GARNL3: variants seen among roughly 807,000 people sequenced by gnomAD.
The protein encoded by GARNL3 is GTPase-activating Rap/Ran-GAP domain-like protein 3.
A neutral mutation model predicts 125.0 loss-of-function variants in GARNL3; 63 were observed. The ratio of observed to expected loss-of-function variants is 0.50; its 90% CI spans 0.41 to 0.62. The LOEUF (loss-of-function observed/expected upper bound fraction) is 0.62, where lower values mean the gene tolerates loss of function less well. Among genes scored for constraint, GARNL3 ranks in the 20% least tolerant of loss-of-function variants. The probability of loss-of-function intolerance (pLI) is 0.00; values close to 1 mark genes in which losing one functional copy is unlikely to be tolerated. For missense variants in GARNL3, 994 were observed against 1,244.0 expected, an observed-to-expected ratio of 0.80 and a Z score of 3.02; for synonymous variants, 439 against 457.5, an observed-to-expected ratio of 0.96 and a Z score of 0.52.
chr9:127,330,137 T>C (rs1829142434), intron 7 of GARNL3, among the ~76,000 whole-genome samples: 1 of 152,236 alleles, frequency 6.6e-6, no homozygotes, highest in African/African-American at 2.4e-5. Flanking sequence ...AATCTTCAGT[T>C]TAACAAGCCC....
intron 18 of GARNL3, among the ~76,000 whole-genome samples, 169 bp from the exon 19 acceptor site, chr9:127,354,125 G>A (rs543801190): frequency 6.6e-6 from 1 of 152,270 alleles, no homozygotes; most frequent in South Asian, 2.1e-4. Flanking sequence ...GCCGTTGGGG[G>A]AAAGGGGTGC....
At chr9:127,247,483 T>A (rs1588680978) in intron 2 of GARNL3, among the ~76,000 whole-genome samples, 1 of 152,370 alleles carries the variant, frequency 6.6e-6, no homozygotes, top group South Asian at 2.1e-4. Flanking sequence ...TGCTTCTTGA[T>A]GCTTGCCAGC....
At chr9:127,363,279 CTG>C (rs1831110366) in intron 21 of GARNL3, 1 of 152,310 alleles carries the variant, frequency 6.6e-6, no homozygotes, top group African/African-American at 2.4e-5. Context: ...CTGGTCCTCA[CTG>C]TCACTCCCTG....
intron 22 of GARNL3, among the ~76,000 whole-genome samples, chr9:127,379,730 G>C (rs1832136197): frequency 6.6e-6 from 1 of 152,208 alleles, no homozygotes; most frequent in Non-Finnish European, 1.5e-5. Context: ...GCCATACAGT[G>C]AGTTAAAGTT....
At chr9:127,344,619 A>G (rs1316137028) in intron 15 of GARNL3, among the ~76,000 whole-genome samples, 1 of 152,214 alleles carries the variant, frequency 6.6e-6, no homozygotes, top group Admixed American at 6.5e-5. Context: ...CTTCCAGAGA[A>G]CACAGATCTC....
At chr9:127,294,133 C>T (rs372131113) in intron 2 of GARNL3, among the ~76,000 whole-genome samples, 2 of 152,180 alleles carry the variant, frequency 1.3e-5, no homozygotes, top group African/African-American at 4.8e-5. Flanking sequence ...TGGGATTTGA[C>T]TCTTTGTCCC....
At chr9:127,252,306 T>C (rs1049610689) in intron 2 of GARNL3, among the ~76,000 whole-genome samples, 1 of 152,182 alleles carries the variant, frequency 6.6e-6, no homozygotes, top group African/African-American at 2.4e-5. Context: ...AGCAACAAAA[T>C]TGTAGACTAC....
chr9:127,281,554 G>A (rs1034784752), intron 1 of GARNL3, among the ~76,000 whole-genome samples: 5 of 152,052 alleles, frequency 3.3e-5, no homozygotes, highest in South Asian at 2.1e-4. Context: ...CCTGTCCCCC[G>A]GCACAGGCAG....
chr9:127,259,551 G>A (rs978560675), upstream of GARNL3, among the ~76,000 whole-genome samples: 5 of 152,306 alleles, frequency 3.3e-5, no homozygotes, highest in South Asian at 4.1e-4. Context: ...TTTTAGGGAG[G>A]AGATGTAGTG....
At position 127,291,248 on chromosome 9, in the gene GARNL3, G is replaced by A; in HGVS notation, c.219+6G>A. ...AAAATGGCTCTTCAGATGAGGTAAG[G>A]AAGCCTCCCCACTTCCTGTAATGCC... On this transcript the variant is annotated splice_donor_region_variant and intron_variant, in intron 2 of 27. Transcript: ENST00000373387. The A allele has an allele frequency of 6.2e-7, 1 of 1,613,172 alleles. No individual in the cohort carries two copies. Among genetic ancestry groups the A allele is most frequent in the Non-Finnish European group, 8.5e-7 (1 of 1,179,220 alleles).
intron 1 of GARNL3, among the ~76,000 whole-genome samples, chr9:127,225,016 A>C (rs1304521026): frequency 3.1e-4 from 40 of 127,910 alleles, no homozygotes; most frequent in Non-Finnish European, 6.0e-4. Context: ...CGGGGCCTGT[A>C]ACAGGCTGAG....
chr9:127,390,758 G>A lies in GARNL3; in HGVS notation c.2861G>A (p.Ser954Asn), dbSNP rs12684910. 2 of 1,613,400 alleles carry A rather than the reference G, an allele frequency of 1.2e-6. No homozygotes were observed. Among genetic ancestry groups the A allele is most frequent in the Middle Eastern group, 1.7e-4 (1 of 6,038 alleles). ...GPKPGAVRSS[S>N]SDRIPSGSLE... ...AAGCCAGGGGCAGTGAGGTCATCTA[G>A]CAGTGACAGGTAAAGAGAGGGAGAG... The change falls in exon 27 of 28, where the codon AGC becomes AAC. Residue 954 changes from serine to asparagine, a missense_variant. Ser to Asn is a conservative substitution (Grantham distance 46). Around this residue, in one of 5 missense-constraint regions of GARNL3, gnomAD observed 728 missense variants for 865.7 expected, o/e 0.84. Coordinates refer to ENST00000373387, the MANE Select transcript of GARNL3 (RefSeq NM_032293.5).
chr9:127,348,104 G>C (rs936968478), intron 16 of GARNL3, among the ~76,000 whole-genome samples: 21 of 152,192 alleles, frequency 1.4e-4, no homozygotes, highest in African/African-American at 2.7e-4. Flanking sequence ...CCTGATGCCT[G>C]ATTGAGAGTA....
rs1291516037 is a variant in GARNL3 at position 127,393,418 on chromosome 9, C to T, written c.*164C>T. 11 of 515,748 alleles carry T rather than the reference C, an allele frequency of 2.1e-5. No individual in the cohort carries two copies. The highest frequency in any genetic ancestry group is 3.8e-5 in the Non-Finnish European group (11 of 290,736). The allele number at this position is 515,748 out of a possible 1,614,324, so 31.9% of individuals were successfully genotyped here. ...CCAGTTCCCTCTCCAATGTCCGGTG[C>T]CATCTTTCCTGACCTTTGTTTCTTT... On this transcript the variant is annotated 3_prime_UTR_variant, in exon 28 of 28. Transcript: ENST00000373387.
Position 127,342,323 on chromosome 9 carries a change from G to C in GARNL3, c.1240G>C (p.Asp414His), listed in dbSNP as rs1287962626. The change falls in exon 14 of 28, where the codon GAT becomes CAT. Residue 414 changes from aspartate (D) to histidine (H), a missense_variant. By Grantham distance (81) the Asp-to-His change is moderately conservative. Coordinates refer to ENST00000373387, the MANE Select transcript of GARNL3 (RefSeq NM_032293.5). Reference protein sequence around the residue: ...IRSLHQDLMPDLHKNMLNRRS... With the variant: ...IRSLHQDLMPHLHKNMLNRRS... ...ATCTTTACACCAGGATTTGATGCCA[G>C]ATTTGCATAAGGTAATTCTGGGTCC... The C allele has an allele frequency of 6.2e-7, 1 of 1,604,354 alleles. No homozygotes were observed. Among genetic ancestry groups the C allele is most frequent in the African/African-American group, 1.3e-5 (1 of 74,716 alleles).
chr9:127,325,166 G>A (rs996904224), intron 7 of GARNL3, 71 bp downstream of exon 7: 2 of 1,461,982 alleles, frequency 1.4e-6, no homozygotes, highest in Non-Finnish European at 1.9e-6. Context: ...TCCTTTCACT[G>A]TGAACCCAGC....
intron 2 of GARNL3, among the ~76,000 whole-genome samples, chr9:127,307,250 C>A (rs2064983509): frequency 6.6e-6 from 1 of 152,214 alleles, no homozygotes. Flanking sequence ...CAGTTTTCAT[C>A]AGAACCACTT....
intron 1 of GARNL3, among the ~76,000 whole-genome samples, chr9:127,237,546 C>T (rs1259830756): frequency 1.3e-5 from 2 of 152,232 alleles, no homozygotes; most frequent in Admixed American, 6.5e-5. Context: ...AGTCATTCCA[C>T]AGTATCTGCC....
At chr9:127,371,477 T>C (rs10760486) in intron 22 of GARNL3, among the ~76,000 whole-genome samples, 76,276 of 152,104 alleles carry the variant, frequency 0.5, 19,932 homozygotes, top group East Asian at 0.73. Context: ...AGGCTGTGTG[T>C]GTCACAGTGT....
Sources: gnomAD v4.1 joint callset for allele counts (sites outside exome capture counted in the v4.1 genomes callset) on GRCh38, gnomAD v4.1.1 for gene constraint, gnomAD v4.1.1 regional missense constraint, MANE v1.5 for transcripts, NCBI Gene and HGNC (gene_info 2026-07-23, HGNC 2026-07-21) for gene names.